The following KCNT2 variants were observed in gnomAD, a reference collection of about 807,000 sequenced individuals.
KCNT2 encodes the protein potassium sodium-activated channel subfamily T member 2.
KCNT2 carries 67 observed loss-of-function variants against 153.8 expected under a neutral mutation model. The observed-to-expected ratio is 0.44, with a 90% CI of 0.36 to 0.53. KCNT2 has a LOEUF of 0.53. Among genes scored for constraint, KCNT2 ranks in the 20% least tolerant of loss-of-function variants. KCNT2 has a pLI of 0.00. For missense variants in KCNT2, 975 were observed against 1,354.8 expected (o/e 0.72, Z 4.40); for synonymous variants, 500 against 458.8 (o/e 1.09, Z -1.15).
intron 22 of KCNT2, among the ~76,000 whole-genome samples, chr1:196,297,567 T>C (rs1329911855): frequency 2.6e-5 from 4 of 152,202 alleles, no homozygotes; most frequent in Non-Finnish European, 4.4e-5. Context: ...TCCATATAAA[T>C]TGTATTTATA....
rs924967514 is a variant in KCNT2 at position 196,491,357 on chromosome 1, A to T, written c.175+905T>A. Among the ~76,000 whole-genome samples, 6 of 152,088 alleles carry T rather than the reference A, an allele frequency of 3.9e-5. No individual in the cohort carries two copies. In the South Asian group the frequency reaches 1.0e-3, roughly 26 times the overall value. On this transcript the variant is annotated intron_variant, in intron 2 of 27. Coordinates refer to ENST00000294725, the MANE Select transcript of KCNT2 (RefSeq NM_198503.5). The stretch of plus-strand genomic sequence containing the variant: ...TCTGAGCAGTATGACTTAAATATTG[A>T]AATATTCCATATCATCAGTATTTGG...
At chr1:196,539,122 A>G (rs1655998208) in intron 1 of KCNT2, among the ~76,000 whole-genome samples, 1 of 152,236 alleles carries the variant, frequency 6.6e-6, no homozygotes, top group Non-Finnish European at 1.5e-5. Flanking sequence ...AAATGAATAC[A>G]TTTTAATGAA....
intron 12 of KCNT2, among the ~76,000 whole-genome samples, chr1:196,414,003 A>G (rs1173176040): frequency 6.6e-6 from 1 of 151,650 alleles, no homozygotes; most frequent in Non-Finnish European, 1.5e-5. Flanking sequence ...ATTCAGCAAT[A>G]ATAATTCAAT....
chr1:196,402,510 C>G (rs1229346392), intron 12 of KCNT2, among the ~76,000 whole-genome samples: 1 of 150,386 alleles, frequency 6.6e-6, no homozygotes, highest in Admixed American at 6.6e-5. Flanking sequence ...CTACAGCACT[C>G]ACAAAAAAAA....
chr1:196,590,513 CT>C (rs1348958073), intron 1 of KCNT2, among the ~76,000 whole-genome samples: 3 of 152,134 alleles, frequency 2.0e-5, no homozygotes, highest in African/African-American at 7.2e-5. Context: ...CAGAGCCTTG[CT>C]TTCCTGCTTC....
At chr1:196,259,228 A>T (rs1475999424) in intron 25 of KCNT2, among the ~76,000 whole-genome samples, 2 of 152,100 alleles carry the variant, frequency 1.3e-5, no homozygotes, top group East Asian at 3.9e-4. Flanking sequence ...TCTCCATAGG[A>T]GGGAAAAACA....
chr1:196,277,994 A>C (rs780155840), intron 25 of KCNT2, among the ~76,000 whole-genome samples: 2 of 152,142 alleles, frequency 1.3e-5, no homozygotes, highest in Non-Finnish European at 2.9e-5. Flanking sequence ...TCATCTTGCA[A>C]AGCTATGAGC....
intron 11 of KCNT2, among the ~76,000 whole-genome samples, chr1:196,424,719 G>A (rs1351955871): frequency 2.0e-5 from 3 of 150,302 alleles, no homozygotes; most frequent in East Asian, 3.9e-4. Flanking sequence ...CCATTAAATC[G>A]ACTTTATTAT....
intron 18 of KCNT2, among the ~76,000 whole-genome samples, chr1:196,329,868 T>C (rs1250699808): frequency 3.0e-5 from 4 of 131,934 alleles, no homozygotes; most frequent in African/African-American, 1.3e-4. Context: ...TATGTGTATA[T>C]ATACACTTAT....
chr1:196,607,429 A>G (rs184550185), intron 1 of KCNT2, among the ~76,000 whole-genome samples: 17 of 152,372 alleles, frequency 1.1e-4, no homozygotes, highest in Non-Finnish European at 1.9e-4. Context: ...TGTGCAAAGC[A>G]GTAATGCTAT....
chr1:196,566,641 C>T (rs1572850194), intron 1 of KCNT2, among the ~76,000 whole-genome samples: 1 of 151,864 alleles, frequency 6.6e-6, no homozygotes. Context: ...GGAAGTTTAC[C>T]CATAGTTTCA....
intron 13 of KCNT2, among the ~76,000 whole-genome samples, chr1:196,396,756 A>G (rs1670973308): frequency 6.6e-6 from 1 of 151,644 alleles, no homozygotes; most frequent in Non-Finnish European, 1.5e-5. Context: ...GAATTTGTAA[A>G]TAATCTATTC....
intron 14 of KCNT2, among the ~76,000 whole-genome samples, chr1:196,354,944 A>G (rs1667047943): frequency 6.6e-6 from 1 of 151,854 alleles, no homozygotes; most frequent in Admixed American, 6.6e-5. Flanking sequence ...TTTACTATCA[A>G]TGTTAGGAAT....
chr1:196,404,165 T>C (rs1481274593), intron 12 of KCNT2: 1 of 979,854 alleles, frequency 1.0e-6, no homozygotes. Flanking sequence ...TCTTGTTGAT[T>C]ATGCCTCTAA....
At chr1:196,468,508 AAC>A (rs1487715478) in intron 6 of KCNT2, among the ~76,000 whole-genome samples, 39 of 152,110 alleles carry the variant, frequency 2.6e-4, no homozygotes, top group African/African-American at 9.4e-4. Context: ...TGGAACTGAT[AAC>A]ACAGAGCAGT....
In KCNT2 at chr1:196,342,216, T is replaced by C; in HGVS notation, c.1416A>G (p.Gln472=). The C allele has an allele frequency of 6.2e-7, 1 of 1,611,488 alleles. No individual in the cohort carries two copies. The highest frequency in any genetic ancestry group is 8.5e-7 in the Non-Finnish European group (1 of 1,178,942). ...VHTSRGQEGQ[Q]SPEQWQKMYG... is the part of the protein sequence containing the mutation. The stretch of plus-strand genomic sequence containing the variant: ...ACATCTTCTGCCATTGTTCTGGCGA[T>C]TGCTGGCCTTCTCTGCAACACAGGC... Residue 472 remains glutamine, a synonymous_variant, in exon 15 of 28, where the codon CAA becomes CAG. Coordinates refer to ENST00000294725, the MANE Select transcript of KCNT2 (RefSeq NM_198503.5).
intron 8 of KCNT2, among the ~76,000 whole-genome samples, chr1:196,435,518 A>G (rs1005211967): frequency 8.6e-5 from 13 of 151,792 alleles, no homozygotes; most frequent in African/African-American, 2.9e-4. Flanking sequence ...ATATTCCAAT[A>G]TAAGATATAT....
rs548236449 is a variant in KCNT2 at position 196,372,660 on chromosome 1, C to A, written c.1403+480G>T. On this transcript the variant is annotated intron_variant, in intron 14 of 27. Coordinates refer to ENST00000294725, the MANE Select transcript of KCNT2 (RefSeq NM_198503.5). ...TTATACTGCATTAGCTAATTTTATA[C>A]AACTACTTTGTTATTATTCTATTAT... 1.2e-3 allele frequency among the ~76,000 whole-genome samples: 176 copies of A among 151,986 alleles called. 1 individual carries two copies. Among genetic ancestry groups the A allele is most frequent in the African/African-American group, 4.1e-3 (170 of 41,526 alleles).
intron 11 of KCNT2, among the ~76,000 whole-genome samples, chr1:196,425,210 T>G (rs1217502399): frequency 6.6e-6 from 1 of 152,042 alleles, no homozygotes; most frequent in Non-Finnish European, 1.5e-5. Flanking sequence ...CTCACTCTAC[T>G]CATATGATAC....
Sources: allele counts gnomAD v4.1 joint callset (sites outside exome capture counted in the v4.1 genomes callset), GRCh38; gene constraint gnomAD v4.1.1; transcripts MANE v1.5; gene names NCBI Gene and HGNC (gene_info 2026-07-23, HGNC 2026-07-21).